The following WDPCP variants were observed in gnomAD, a reference collection of about 807,000 sequenced individuals.
The protein encoded by WDPCP is WD repeat-containing and planar cell polarity effector protein fritz homolog.
WDPCP carries 71 observed loss-of-function variants against 93.1 expected under a neutral mutation model. The observed-to-expected ratio is 0.76, with a 90% CI of 0.63 to 0.93. The LOEUF (loss-of-function observed/expected upper bound fraction) is 0.93, where lower values mean the gene tolerates loss of function less well. Ranked by LOEUF, WDPCP falls within the 40% of genes least tolerant of loss-of-function variation. The pLI is 0.00. For synonymous variants in WDPCP, 315 were observed against 315.0 expected, an observed-to-expected ratio of 1.00 and a Z score of 0.00; for missense variants, 844 against 887.4, an observed-to-expected ratio of 0.95 and a Z score of 0.62.
intron 14 of WDPCP, among the ~76,000 whole-genome samples, chr2:63,258,801 A>G (rs762814760): frequency 5.3e-5 from 8 of 152,168 alleles, no homozygotes; most frequent in Non-Finnish European, 1.0e-4. Context: ...TGGACTTTCA[A>G]ATTCATTCTA....
At chr2:63,405,536 T>TGC (rs1330608530) in intron 9 of WDPCP, among the ~76,000 whole-genome samples, 6 of 46,696 alleles carry the variant, frequency 1.3e-4, no homozygotes, top group African/African-American at 5.2e-4. Flanking sequence ...TGGTATAGTG[T>TGC]GTGTGTGTGT....
chr2:63,651,225 T>C (rs1231800797), intron 2 of WDPCP, among the ~76,000 whole-genome samples: 2 of 152,158 alleles, frequency 1.3e-5, no homozygotes, highest in East Asian at 3.8e-4. Flanking sequence ...ACTTTTGAAT[T>C]TCTTAATTAT....
chr2:63,151,574 T>C (rs1166712677), intron 17 of WDPCP, among the ~76,000 whole-genome samples: 1 of 152,218 alleles, frequency 6.6e-6, no homozygotes, highest in Non-Finnish European at 1.5e-5. Flanking sequence ...AAATAAGCTA[T>C]TTAAAATATA....
At chr2:63,740,235 T>C (rs1200597775) in intron 2 of WDPCP, among the ~76,000 whole-genome samples, 2 of 152,132 alleles carry the variant, frequency 1.3e-5, no homozygotes, top group Non-Finnish European at 1.5e-5. Flanking sequence ...AGGATATATG[T>C]ATATTCAGCT....
intron 6 of WDPCP, among the ~76,000 whole-genome samples, chr2:63,478,970 G>A (rs1264682342): frequency 2.0e-5 from 3 of 151,058 alleles, no homozygotes; most frequent in Non-Finnish European, 4.4e-5. Flanking sequence ...AAAGAAGAGA[G>A]ATGATCAAAA....
chr2:63,357,721 A>T (rs561171225), intron 12 of WDPCP, among the ~76,000 whole-genome samples: 193 of 152,180 alleles, frequency 1.3e-3, no homozygotes, highest in Non-Finnish European at 1.5e-3. Context: ...AGCTAAAAGG[A>T]GAACTACCAT....
intron 14 of WDPCP, among the ~76,000 whole-genome samples, chr2:63,188,542 C>G (rs1282296173): frequency 6.6e-6 from 1 of 151,866 alleles, no homozygotes; most frequent in Non-Finnish European, 1.5e-5. Context: ...CTATGTTGCC[C>G]AGGCTAGTCT....
chr2:63,342,824 CTTTA>C (rs902705330), intron 12 of WDPCP, among the ~76,000 whole-genome samples: 1 of 152,070 alleles, frequency 6.6e-6, no homozygotes, highest in African/African-American at 2.4e-5. Flanking sequence ...TTTACACGTT[CTTTA>C]TTTCTTTCTA....
chr2:63,138,832 C>T (rs1322049848), intron 17 of WDPCP, among the ~76,000 whole-genome samples: 1 of 152,044 alleles, frequency 6.6e-6, no homozygotes, highest in Non-Finnish European at 1.5e-5. Context: ...CATATTAGTA[C>T]TCTTTTATCC....
chr2:63,675,151 G>C (rs933564101), intron 2 of WDPCP, among the ~76,000 whole-genome samples: 7 of 152,058 alleles, frequency 4.6e-5, no homozygotes, highest in Non-Finnish European at 1.0e-4. Flanking sequence ...GGAATTTTCA[G>C]TGCCTTCTGG....
intron 1 of WDPCP, among the ~76,000 whole-genome samples, chr2:63,545,352 A>G (rs140529857): frequency 5.6e-4 from 85 of 151,370 alleles, no homozygotes; most frequent in African/African-American, 1.9e-3. Flanking sequence ...AGAGAGAGAG[A>G]CAGAGAGAGA....
chr2:63,397,177 G>A (rs949552446), intron 10 of WDPCP, among the ~76,000 whole-genome samples: 3 of 152,126 alleles, frequency 2.0e-5, no homozygotes, highest in Non-Finnish European at 2.9e-5. Context: ...CAGTGACGCT[G>A]AATTGAATGA....
intron 14 of WDPCP, among the ~76,000 whole-genome samples, chr2:63,180,272 T>C (rs1183196535): frequency 6.6e-6 from 1 of 152,166 alleles, no homozygotes; most frequent in Non-Finnish European, 1.5e-5. Context: ...TGGTAAAGTC[T>C]GGCCATTTAG....
At chr2:63,763,767 T>G (rs1160758952) in intron 2 of WDPCP, among the ~76,000 whole-genome samples, 3 of 152,190 alleles carry the variant, frequency 2.0e-5, no homozygotes, top group Non-Finnish European at 4.4e-5. Context: ...TATGGCTATT[T>G]ATTTGTGCCA....
intron 3 of WDPCP, chr2:63,594,929 G>A: frequency 3.9e-6 from 1 of 258,608 alleles, no homozygotes; most frequent in Non-Finnish European, 7.4e-6. Context: ...ATGGCCTTTG[G>A]AACCAAAAGA....
At chr2:63,349,958 AG>A (rs2104538745) in intron 12 of WDPCP, among the ~76,000 whole-genome samples, 1 of 152,316 alleles carries the variant, frequency 6.6e-6, no homozygotes, top group Admixed American at 6.5e-5. Context: ...CATGGGGTAT[AG>A]GATTTCCTCT....
At chr2:63,172,503 G>A (rs538489429) in intron 15 of WDPCP, among the ~76,000 whole-genome samples, 10 of 151,504 alleles carry the variant, frequency 6.6e-5, no homozygotes, top group Admixed American at 4.0e-4. Context: ...CTGAGATGCC[G>A]CCCCCCACCC....
At chr2:63,579,962 C>T (rs1708388229) in intron 1 of WDPCP, among the ~76,000 whole-genome samples, 1 of 152,086 alleles carries the variant, frequency 6.6e-6, no homozygotes, top group Admixed American at 6.6e-5. Context: ...ATTGTGGGAG[C>T]GGGCTCCTGA....
At chr2:63,168,323 T>C (rs753699124) in intron 15 of WDPCP, among the ~76,000 whole-genome samples, 1 of 152,128 alleles carries the variant, frequency 6.6e-6, no homozygotes, top group Non-Finnish European at 1.5e-5. Flanking sequence ...AATTCTGTAA[T>C]TAGTATGGTT....
Sources: allele counts gnomAD v4.1 joint callset (sites outside exome capture counted in the v4.1 genomes callset), GRCh38; gene constraint gnomAD v4.1.1; transcripts MANE v1.5; gene names NCBI Gene and HGNC (gene_info 2026-07-23, HGNC 2026-07-21).